The following KATNA1 variants were observed in gnomAD, a reference collection of about 807,000 sequenced individuals.
KATNA1 encodes katanin catalytic subunit A1, also known as katanin p60 ATPase-containing subunit A1.
KATNA1 carries 42 observed loss-of-function variants against 62.6 expected under a neutral mutation model. The ratio of observed to expected loss-of-function variants is 0.67; its 90% CI spans 0.52 to 0.87. The LOEUF is 0.87. Among genes scored for constraint, KATNA1 ranks in the 40% least tolerant of loss-of-function variants. The pLI, the probability that KATNA1 is intolerant of heterozygous loss-of-function variation, is 0.00. For missense variants in KATNA1, 498 were observed against 612.5 expected (o/e 0.81, Z 1.97); for synonymous variants, 186 against 201.9 (o/e 0.92, Z 0.67).
chr6:149,635,062 G>C (rs1224907379), intron 2 of KATNA1, among the ~76,000 whole-genome samples: 1 of 151,394 alleles, frequency 6.6e-6, no homozygotes, highest in African/African-American at 2.4e-5. Context: ...AAAGAGAAAA[G>C]GAATCTTGAC....
intron 8 of KATNA1, 41 bp from the exon 9 acceptor site, chr6:149,597,682 T>C (rs1447435123): frequency 4.4e-6 from 7 of 1,577,014 alleles, no homozygotes; most frequent in Non-Finnish European, 6.1e-6. Flanking sequence ...GATATTAAGT[T>C]GGATTATACC....
rs11441223 is a variant in KATNA1, at chr6:149,632,372, TA to T, written c.320+386del. ...CCTCGTGACAGAGTGAGACTCTGTC[TA>T]AAAAAAAAAAAAAGAAAAAAAAGAA... On this transcript the variant is annotated intron_variant, in intron 3 of 10. Transcript: ENST00000367411. 5.2e-3 allele frequency among the ~76,000 whole-genome samples: 688 copies of T among 133,480 alleles called. 2 individuals are homozygous for T. The highest frequency in any genetic ancestry group is 0.014 in the African/African-American group (521 of 36,406). The allele number at this position is 133,480 out of a possible 152,430, so 87.6% of individuals were successfully genotyped here.
intron 1 of KATNA1, among the ~76,000 whole-genome samples, chr6:149,646,740 CAAACA>C (rs1355016804): frequency 6.6e-6 from 1 of 152,072 alleles, no homozygotes; most frequent in Non-Finnish European, 1.5e-5. Context: ...TTACCCTAAA[CAAACA>C]AATCAGTGAG....
chr6:149,621,469 C>A (rs1314171756), intron 4 of KATNA1, among the ~76,000 whole-genome samples: 1 of 150,842 alleles, frequency 6.6e-6, no homozygotes, highest in Non-Finnish European at 1.5e-5. Context: ...ACCATCATAC[C>A]AATGGTATGC....
intron 3 of KATNA1, among the ~76,000 whole-genome samples, chr6:149,625,062 C>T (rs539964289): frequency 2.6e-5 from 4 of 152,152 alleles, no homozygotes; most frequent in Admixed American, 6.6e-5. Context: ...ACCAGTCTAA[C>T]ACATAATGCT....
chr6:149,639,470 G>A (rs554601623), intron 1 of KATNA1, among the ~76,000 whole-genome samples: 16 of 151,874 alleles, frequency 1.1e-4, no homozygotes, highest in South Asian at 6.2e-4. Flanking sequence ...ATGGTGGCAC[G>A]TGCCTGTAAT....
intron 4 of KATNA1, among the ~76,000 whole-genome samples, chr6:149,609,890 C>T (rs1327193754): frequency 2.7e-5 from 4 of 150,124 alleles, no homozygotes; most frequent in Non-Finnish European, 3.0e-5. Context: ...CACCTGAGGT[C>T]GGAGTTGGAG....
At chr6:149,638,725 AC>A (rs371317610) in intron 1 of KATNA1, 165 bp from the exon 2 acceptor site, 31 of 251,118 alleles carry the variant, frequency 1.2e-4, no homozygotes, top group Non-Finnish European at 1.8e-4. Flanking sequence ...TTTAAAAAAA[AC>A]ATTGTTTTTT....
At chr6:149,613,167 G>A (rs372002294) in intron 4 of KATNA1, among the ~76,000 whole-genome samples, 20 of 76,890 alleles carry the variant, frequency 2.6e-4, no homozygotes, top group African/African-American at 7.5e-4. Context: ...GCAACAGAGC[G>A]AGACTCTGTC....
chr6:149,626,327 T>C (rs1232336074), intron 3 of KATNA1, among the ~76,000 whole-genome samples: 11 of 108,136 alleles, frequency 1.0e-4, no homozygotes. Context: ...CGGAGTCTCG[T>C]TCTGTCGCCC....
At chr6:149,625,578 C>T (rs1286004492) in intron 3 of KATNA1, among the ~76,000 whole-genome samples, 1 of 151,826 alleles carries the variant, frequency 6.6e-6, no homozygotes, top group Non-Finnish European at 1.5e-5. Flanking sequence ...TGCAGTCAGC[C>T]GAGATTGCAC....
At chr6:149,598,023 G>T in intron 8 of KATNA1, 1 of 552,686 alleles carries the variant, frequency 1.8e-6, no homozygotes, top group Non-Finnish European at 3.1e-6. Flanking sequence ...CATTAATTCT[G>T]ACTTGTCACC....
intron 1 of KATNA1, among the ~76,000 whole-genome samples, chr6:149,645,456 CAAAAAAA>C (rs201041700): frequency 1.6e-5 from 2 of 123,800 alleles, no homozygotes; most frequent in Admixed American, 1.6e-4. Context: ...AAACAAAAAA[CAAAAAAA>C]AAAAAAAGAA....
intron 3 of KATNA1, among the ~76,000 whole-genome samples, chr6:149,628,110 T>C (rs1366775376): frequency 6.6e-6 from 1 of 151,742 alleles, no homozygotes; most frequent in African/African-American, 2.4e-5. Flanking sequence ...TACTCACATT[T>C]TTTTTTTTTG....
chr6:149,621,195 G>C (rs1326104014), intron 4 of KATNA1, among the ~76,000 whole-genome samples: 2 of 150,610 alleles, frequency 1.3e-5, no homozygotes, highest in Non-Finnish European at 3.0e-5. Context: ...GCGATCTTAG[G>C]TCACTGCAAG....
intron 2 of KATNA1, among the ~76,000 whole-genome samples, chr6:149,636,599 G>C (rs1017323254): frequency 6.6e-6 from 1 of 151,504 alleles, no homozygotes; most frequent in East Asian, 1.9e-4. Flanking sequence ...CAGAATCTGA[G>C]GTATAATATT....
intron 3 of KATNA1, among the ~76,000 whole-genome samples, chr6:149,623,565 C>T (rs1779493367): frequency 6.6e-6 from 1 of 151,892 alleles, no homozygotes; most frequent in Non-Finnish European, 1.5e-5. Context: ...GTTGATACCC[C>T]GTCTCTACTA....
At chr6:149,606,230 CTGTT>C (rs1358612124) in intron 4 of KATNA1, among the ~76,000 whole-genome samples, 1 of 152,154 alleles carries the variant, frequency 6.6e-6, no homozygotes, top group African/African-American at 2.4e-5. Flanking sequence ...AGAACATAAA[CTGTT>C]TGAACCTAAC....
Position 149,648,542 on chromosome 6 carries a change from A to C in KATNA1, c.-87T>G, listed in dbSNP as rs1780573307. 6.6e-6 allele frequency: 1 copy of C among 152,324 alleles called. No individual in the cohort carries two copies. The highest frequency in any genetic ancestry group is 6.5e-5 in the Admixed American group (1 of 15,272). 9.4% of individuals were successfully genotyped at this position (152,324 alleles called of 1,614,324 possible). The stretch of plus-strand genomic sequence containing the variant: ...GGATTGGCGGAGTGGAGATCCCGGC[A>C]GCGAGGAAGGAGGGCCTGACCCAGT... On this transcript the variant is annotated 5_prime_UTR_variant, in exon 1 of 11. Transcript: ENST00000367411.
Sources: allele counts gnomAD v4.1 joint callset (sites outside exome capture counted in the v4.1 genomes callset), GRCh38; gene constraint gnomAD v4.1.1; transcripts MANE v1.5; gene names NCBI Gene and HGNC (gene_info 2026-07-23, HGNC 2026-07-21).